Variants in AKAP13 observed in about 807,000 individuals in gnomAD.
AKAP13 encodes A-kinase anchor protein 13.
A neutral mutation model predicts 264.5 loss-of-function variants in AKAP13; 80 were observed. The observed-to-expected ratio is 0.30, with a 90% confidence interval of 0.25 to 0.36. AKAP13 has a LOEUF of 0.36. Among genes scored for constraint, AKAP13 ranks in the 10% least tolerant of loss-of-function variants. The probability of loss-of-function intolerance (pLI) is 1.00; values close to 1 mark genes in which losing one functional copy is unlikely to be tolerated. For synonymous variants in AKAP13, 1,380 were observed against 1,250.2 expected (o/e 1.10, Z -2.19); for missense variants, 3,712 against 3,435.2 (o/e 1.08, Z -2.01).
rs545858325 is a variant in AKAP13, at chr15:85,420,241, T to C, written c.-12+39443T>C. On this transcript the variant is annotated intron_variant, in intron 1 of 36. Transcript: ENST00000394518. Reference sequence around the variant, plus strand: ...CAGGCGTGAGCCACCGCGCCCGGCCTTTTTTTTTTTAATCTGACTCTTTTA... The same window carrying C: ...CAGGCGTGAGCCACCGCGCCCGGCCCTTTTTTTTTTAATCTGACTCTTTTA... Among the ~76,000 whole-genome samples the C allele has an allele frequency of 1.4e-5, 2 of 143,204 alleles. 1 individual carries two copies. The highest frequency in any genetic ancestry group is 4.0e-4 in the East Asian group (2 of 5,004). The allele number at this position is 143,204 out of a possible 152,430, so 93.9% of individuals were successfully genotyped here. A position where few individuals can be genotyped will look rare whatever the true frequency, so the allele number is the denominator to read the frequency against.
chr15:85,388,106 C>T (rs1164343935), intron 1 of AKAP13, among the ~76,000 whole-genome samples: 2 of 151,570 alleles, frequency 1.3e-5, no homozygotes, highest in Non-Finnish European at 2.9e-5. Context: ...GCGATCTCAG[C>T]TCACTGCAAC....
chr15:85,719,258 G>T lies in AKAP13; in HGVS notation c.6184G>T (p.Glu2062Ter). The change falls in exon 23 of 37, where the codon GAG becomes TAG. Residue 2062 changes from glutamate (E) to a stop codon, truncating the protein, a stop_gained. Coordinates refer to ENST00000394518, the MANE Select transcript of AKAP13 (RefSeq NM_007200.5). LOFTEE classifies it high-confidence loss of function. ...FFQRILERKK[E>*]SLVDKSEKNF... ...CCAGAGGATTCTGGAGCGGAAGAAG[G>T]AGTCTCTGGTGGATAAAAGTGAAAA... is the stretch of plus-strand genomic sequence containing the variant. 6 of 1,614,164 alleles carry T rather than the reference G, an allele frequency of 3.7e-6. No individual in the cohort carries two copies. Among genetic ancestry groups the T allele is most frequent in the Non-Finnish European group, 5.1e-6 (6 of 1,180,036 alleles).
chr15:85,739,232 C>T (rs1307383094), intron 33 of AKAP13, among the ~76,000 whole-genome samples: 6 of 152,220 alleles, frequency 3.9e-5, no homozygotes, highest in Non-Finnish European at 7.3e-5. Flanking sequence ...TTTTGCAGTG[C>T]TTGGTACTAC....
chr15:85,558,265 GAAAAGTCACATCTAGTTTGTCC>G (rs2078223834), intron 5 of AKAP13, among the ~76,000 whole-genome samples: 1 of 152,154 alleles, frequency 6.6e-6, no homozygotes, highest in Admixed American at 6.6e-5. Flanking sequence ...AGAAACATGA[GAAAAGTCACATCTAGTTTGTCC>G]AAAAGACATT....
At chr15:85,492,952 T>A (rs1245467352) in intron 2 of AKAP13, among the ~76,000 whole-genome samples, 1 of 152,226 alleles carries the variant, frequency 6.6e-6, no homozygotes, top group Non-Finnish European at 1.5e-5. Context: ...ATTGGGCATA[T>A]AAGAGATGGT....
At chr15:85,555,406 C>T in intron 5 of AKAP13, 1 of 1,287,412 alleles carries the variant, frequency 7.8e-7, no homozygotes, top group Middle Eastern at 2.1e-4. Context: ...AACCAGGCTG[C>T]TTTCCTCTAT....
intron 3 of AKAP13, 102 bp downstream of exon 3, chr15:85,521,677 GTATAAAAAAAT>G (rs1434204964): frequency 7.7e-7 from 1 of 1,294,056 alleles, no homozygotes; most frequent in Non-Finnish European, 1.0e-6. Flanking sequence ...AGTGTAGACA[GTATAAAAAAAT>G]TTATTAGTTT....
At chr15:85,699,437 T>A (rs2085772491) in intron 17 of AKAP13, among the ~76,000 whole-genome samples, 1 of 145,932 alleles carries the variant, frequency 6.9e-6, no homozygotes, top group African/African-American at 2.6e-5. Context: ...AGAGTGAAAC[T>A]CTATCTCAAA....
intron 6 of AKAP13, among the ~76,000 whole-genome samples, chr15:85,575,858 C>T (rs546506497): frequency 1.8e-4 from 28 of 152,192 alleles, no homozygotes; most frequent in Non-Finnish European, 3.2e-4. Flanking sequence ...TGGTGGCGTA[C>T]GCCTATAGTC....
chr15:85,671,700 C>T (rs1044052264), intron 14 of AKAP13, among the ~76,000 whole-genome samples: 2 of 150,844 alleles, frequency 1.3e-5, no homozygotes, highest in African/African-American at 4.9e-5. Context: ...ATGGAAAGTA[C>T]AATTGAATAG....
At chr15:85,635,222 C>A in intron 8 of AKAP13, 1 of 396,846 alleles carries the variant, frequency 2.5e-6, no homozygotes, top group Non-Finnish European at 4.4e-6. Context: ...TCTTTGCCAA[C>A]ATTTGGTATT....
At chr15:85,597,116 T>A (rs1275040502) in intron 8 of AKAP13, among the ~76,000 whole-genome samples, 1 of 152,222 alleles carries the variant, frequency 6.6e-6, no homozygotes, top group Non-Finnish European at 1.5e-5. Context: ...TTAGAGGTCT[T>A]TTCTATTTAT....
At chr15:85,500,845 A>G (rs2076020027) in intron 2 of AKAP13, among the ~76,000 whole-genome samples, 1 of 152,198 alleles carries the variant, frequency 6.6e-6, no homozygotes, top group Non-Finnish European at 1.5e-5. Flanking sequence ...GGAGCCCTTC[A>G]CAAAGCTCTG....
intron 34 of AKAP13, 147 bp from the exon 35 acceptor site, chr15:85,740,899 C>T: frequency 1.5e-6 from 2 of 1,354,310 alleles, no homozygotes; most frequent in Non-Finnish European, 2.0e-6. Flanking sequence ...TATCCTGGAG[C>T]ATTTTTATGA....
At chr15:85,736,353 T>C (rs2088499793) in intron 33 of AKAP13, among the ~76,000 whole-genome samples, 3 of 152,216 alleles carry the variant, frequency 2.0e-5, no homozygotes, top group Non-Finnish European at 2.9e-5. Context: ...AGTTAGAGAA[T>C]TGCCTGCTAA....
intron 1 of AKAP13, among the ~76,000 whole-genome samples, chr15:85,477,868 T>A (rs1392027387): frequency 6.6e-6 from 1 of 152,136 alleles, no homozygotes; most frequent in Admixed American, 6.5e-5. Context: ...CCTGGATGCC[T>A]CTTGTGACTC....
intron 1 of AKAP13, among the ~76,000 whole-genome samples, chr15:85,471,623 ATCAGCAAATAGAACAT>A (rs2074964300): frequency 6.6e-6 from 1 of 152,224 alleles, no homozygotes; most frequent in African/African-American, 2.4e-5. Context: ...CACCACCACA[ATCAGCAAATAGAACAT>A]TCCTATCACT....
At chr15:85,396,835 A>T (rs1297921494) in intron 1 of AKAP13, among the ~76,000 whole-genome samples, 2 of 151,570 alleles carry the variant, frequency 1.3e-5, no homozygotes, top group Admixed American at 1.3e-4. Context: ...CAAATTAGAC[A>T]TGGAAAATTA....
At chr15:85,664,831 G>A (rs1325505815) in intron 13 of AKAP13, 76 bp downstream of exon 13, 4 of 1,369,516 alleles carry the variant, frequency 2.9e-6, no homozygotes, top group Non-Finnish European at 4.0e-6. Context: ...GCTTCTGGTA[G>A]TATAAGGCTA....
Sources: allele counts gnomAD v4.1 joint callset (sites outside exome capture counted in the v4.1 genomes callset), GRCh38; gene constraint gnomAD v4.1.1; transcripts MANE v1.5; gene names NCBI Gene and HGNC (gene_info 2026-07-23, HGNC 2026-07-21).